The following KAZN variants were observed in gnomAD, a reference collection of about 807,000 sequenced individuals.
KAZN encodes the protein kazrin, periplakin interacting protein, also known as kazrin.
Under a neutral mutation model 87.4 loss-of-function variants are expected in KAZN, and 40 were observed. That is an observed-to-expected ratio of 0.46 (90% CI 0.36 to 0.60). The LOEUF (loss-of-function observed/expected upper bound fraction) is 0.60. KAZN is among the 20% of genes least tolerant of loss of function. The pLI is 0.00. For missense variants in KAZN, 898 were observed against 1,073.9 expected (o/e 0.84, Z 2.29); for synonymous variants, 466 against 458.3 (o/e 1.02, Z -0.22).
chr1:14,442,419 C>T (rs1217317003), intron 2 of KAZN, among the ~76,000 whole-genome samples: 2 of 152,204 alleles, frequency 1.3e-5, no homozygotes, highest in African/African-American at 4.8e-5. Flanking sequence ...GTCATAGAAG[C>T]TCACTATGCC....
chr1:14,142,536 A>T (rs1308358156), intron 1 of KAZN, among the ~76,000 whole-genome samples: 1 of 152,242 alleles, frequency 6.6e-6, no homozygotes, highest in Non-Finnish European at 1.5e-5. Flanking sequence ...CGCTACTCAC[A>T]GGAGGAGGAG....
At chr1:14,240,052 G>A (rs755600412) in intron 2 of KAZN, among the ~76,000 whole-genome samples, 18 of 152,174 alleles carry the variant, frequency 1.2e-4, no homozygotes, top group Non-Finnish European at 2.6e-4. Flanking sequence ...GGCCTTGACT[G>A]TCTATTTGCT....
chr1:14,653,948 T>C (rs1443680171), intron 1 of KAZN, among the ~76,000 whole-genome samples: 7 of 152,312 alleles, frequency 4.6e-5, no homozygotes, highest in African/African-American at 1.7e-4. Context: ...GCCTACCAGA[T>C]GCCAGTGGCA....
intron 2 of KAZN, among the ~76,000 whole-genome samples, chr1:14,231,336 C>G (rs1213865507): frequency 6.6e-6 from 1 of 152,124 alleles, no homozygotes; most frequent in Non-Finnish European, 1.5e-5. Flanking sequence ...CAAGAATGTG[C>G]TATCTTCCCC....
chr1:14,738,934 A>C (rs1644000857), intron 1 of KAZN, among the ~76,000 whole-genome samples: 1 of 152,126 alleles, frequency 6.6e-6, no homozygotes, highest in Admixed American at 6.5e-5. Context: ...GCACGGTGGG[A>C]GGCCAAGGCA....
chr1:14,113,577 A>G (rs1160206391), intron 1 of KAZN, among the ~76,000 whole-genome samples: 2 of 152,222 alleles, frequency 1.3e-5, no homozygotes, highest in African/African-American at 4.8e-5. Context: ...CCTGTTTTAC[A>G]GAAAAGGAAA....
chr1:14,577,453 G>A (rs1452644768), intron 2 of KAZN, among the ~76,000 whole-genome samples: 7 of 152,180 alleles, frequency 4.6e-5, no homozygotes, highest in African/African-American at 1.4e-4. Flanking sequence ...CAAAGAGGGT[G>A]GCAAAACTAA....
At chr1:14,145,800 T>C (rs1645336370) in intron 1 of KAZN, among the ~76,000 whole-genome samples, 1 of 152,172 alleles carries the variant, frequency 6.6e-6, no homozygotes, top group Non-Finnish European at 1.5e-5. Context: ...AGGCTGGTCT[T>C]GACCTCCTGA....
intron 2 of KAZN, among the ~76,000 whole-genome samples, chr1:14,976,146 G>A (rs186974929): frequency 2.7e-5 from 4 of 150,092 alleles, no homozygotes; most frequent in East Asian, 1.9e-4. Context: ...GGTTTTGGAC[G>A]TGGCTAACAG....
intron 1 of KAZN, among the ~76,000 whole-genome samples, chr1:13,981,052 A>C (rs1638639153): frequency 9.4e-6 from 1 of 106,004 alleles, no homozygotes; most frequent in Non-Finnish European, 2.2e-5. Context: ...CTTAAGGGGC[A>C]AAAGTTGGTT....
intron 8 of KAZN, among the ~76,000 whole-genome samples, chr1:15,073,073 G>T (rs1236319140): frequency 2.0e-5 from 3 of 152,190 alleles, no homozygotes; most frequent in Non-Finnish European, 4.4e-5. Context: ...CAGCAGGCAG[G>T]GCTCCAGCCT....
At chr1:15,092,058 T>TTG (rs1640560114) in intron 8 of KAZN, among the ~76,000 whole-genome samples, 16 of 128,752 alleles carry the variant, frequency 1.2e-4, no homozygotes, top group Admixed American at 7.5e-4. Context: ...TTTTGTTTTT[T>TTG]TGTTTTTTTT....
chr1:14,069,057 A>G (rs1336583346), intron 1 of KAZN, among the ~76,000 whole-genome samples: 1 of 152,168 alleles, frequency 6.6e-6, no homozygotes, highest in African/African-American at 2.4e-5. Context: ...TGGGCCTCGC[A>G]AAGTGTTGGG....
At chr1:14,886,743 A>C (rs1171401585) in intron 1 of KAZN, among the ~76,000 whole-genome samples, 1 of 152,088 alleles carries the variant, frequency 6.6e-6, no homozygotes, top group African/African-American at 2.4e-5. Flanking sequence ...ATGAGCCAAG[A>C]TCGTGCCGTT....
intron 1 of KAZN, among the ~76,000 whole-genome samples, chr1:14,784,270 G>A (rs1018555658): frequency 2.0e-5 from 3 of 152,152 alleles, no homozygotes; most frequent in Admixed American, 1.3e-4. Flanking sequence ...ACCGATTATG[G>A]GTTTTAATCA....
At chr1:13,969,178 T>C (rs1222231485) in intron 1 of KAZN, among the ~76,000 whole-genome samples, 1 of 152,202 alleles carries the variant, frequency 6.6e-6, no homozygotes, top group African/African-American at 2.4e-5. Context: ...TGGGGGATGT[T>C]ATGGGTTAAA....
chr1:14,035,386 T>G (rs924123795), intron 1 of KAZN, among the ~76,000 whole-genome samples: 1 of 152,020 alleles, frequency 6.6e-6, no homozygotes, highest in Non-Finnish European at 1.5e-5. Context: ...CCTGGGGACA[T>G]ATAGCTAAAG....
At chr1:14,046,930 G>T (rs1204888815) in intron 1 of KAZN, among the ~76,000 whole-genome samples, 3 of 152,196 alleles carry the variant, frequency 2.0e-5, no homozygotes, top group Non-Finnish European at 4.4e-5. Context: ...AGGCAATCCT[G>T]TAATCTTATG....
intron 2 of KAZN, among the ~76,000 whole-genome samples, chr1:14,541,892 G>A (rs1043225471): frequency 2.0e-5 from 3 of 152,108 alleles, no homozygotes; most frequent in Admixed American, 6.6e-5. Flanking sequence ...TCTGATGATC[G>A]GGAGCAGCCA....
Sources: allele counts gnomAD v4.1 joint callset (sites outside exome capture counted in the v4.1 genomes callset), GRCh38; gene constraint gnomAD v4.1.1; transcripts MANE v1.5; gene names NCBI Gene and HGNC (gene_info 2026-07-23, HGNC 2026-07-21).